CERS3: variants seen among roughly 807,000 people sequenced by gnomAD.
The protein encoded by CERS3 is ceramide synthase 3, also known as LAG1 homolog, ceramide synthase 3.
In CERS3, 33 loss-of-function variants were observed where a neutral mutation model predicts 50.3. That is an observed-to-expected ratio of 0.66 (90% CI 0.50 to 0.88). The LOEUF is 0.88. CERS3 is among the 40% of genes least tolerant of loss of function. The pLI is 0.00. For synonymous variants in CERS3, 176 were observed against 155.2 expected, an observed-to-expected ratio of 1.13 and a Z score of -0.99; for missense variants, 470 against 460.3, an observed-to-expected ratio of 1.02 and a Z score of -0.19.
chr15:100,496,871 T>A (rs1267448366), intron 3 of CERS3, among the ~76,000 whole-genome samples: 1 of 152,156 alleles, frequency 6.6e-6, no homozygotes, highest in Non-Finnish European at 1.5e-5. Flanking sequence ...GGAAGTTGAA[T>A]AAAAACTCTC....
In CERS3 at chr15:100,540,483, G is replaced by A. The variant is rs575480496; in HGVS notation, c.-355+4168C>T. On this transcript the variant is annotated intron_variant, in intron 1 of 12. Coordinates refer to the CERS3 transcript ENST00000284382. ...TGCTTGAACCTAGGAGGCAGAGGTTGCAGTGAGCTGAAATCGTGCCATTGC... is the reference window on the plus strand; with the variant it reads ...TGCTTGAACCTAGGAGGCAGAGGTTACAGTGAGCTGAAATCGTGCCATTGC... Among the ~76,000 whole-genome samples the A allele has an allele frequency of 3.9e-5, 6 of 152,340 alleles. No homozygotes were observed. The East Asian group carries it at 1.2e-3, about 29-fold the overall frequency.
intron 4 of CERS3, among the ~76,000 whole-genome samples, chr15:100,486,110 T>A (rs1462866647): frequency 6.6e-6 from 1 of 152,100 alleles, no homozygotes; most frequent in African/African-American, 2.4e-5. Context: ...ATCACTAGGT[T>A]TTTAAAAATG....
intron 10 of CERS3, among the ~76,000 whole-genome samples, chr15:100,460,720 T>C (rs993718846): frequency 6.6e-6 from 1 of 152,224 alleles, no homozygotes; most frequent in African/African-American, 2.4e-5. Context: ...CCTTCCCTTG[T>C]CTGGCTCAGG....
At position 100,515,810 on chromosome 15, in the gene CERS3, T is replaced by C. The variant is rs541006641; in HGVS notation, c.-2+5857A>G. On this transcript the variant is annotated intron_variant, in intron 2 of 11. Transcript: ENST00000679737. ...AGCTGGTGGCTGGGTAAGTAGGCAATGGTGTTGCAAAACTGAGAAATGTTA... is the reference window on the plus strand; with the variant it reads ...AGCTGGTGGCTGGGTAAGTAGGCAACGGTGTTGCAAAACTGAGAAATGTTA... Among the ~76,000 whole-genome samples the C allele has an allele frequency of 6.6e-5, 10 of 152,290 alleles. 1 individual carries two copies. In the South Asian group the frequency reaches 2.1e-3, roughly 32 times the overall value.
chr15:100,497,302 A>ATG (rs1236454887), intron 3 of CERS3, among the ~76,000 whole-genome samples: 50 of 133,634 alleles, frequency 3.7e-4, no homozygotes, highest in African/African-American at 1.3e-3. Flanking sequence ...GAGAGCATAT[A>ATG]TGTATGTGTG....
chr15:100,536,492 C>T (rs34401070), intron 1 of CERS3, among the ~76,000 whole-genome samples: 75,664 of 151,884 alleles, frequency 0.5, 19,236 homozygotes, highest in South Asian at 0.6. Flanking sequence ...ACCATGTTGC[C>T]CAGGCTGGTC....
rs2654587 is a variant in CERS3, at chr15:100,454,887, C to T, written c.999+1006G>A. 3.3e-5 allele frequency among the ~76,000 whole-genome samples: 5 copies of T among 152,094 alleles called. No homozygotes were observed. The South Asian group carries it at 6.2e-4, about 19-fold the overall frequency. Reference sequence around the variant, plus strand: ...CTCAACAGTAAAACAACAACAACAACAAATAATAATGATAATTCCATTAAA... The same window carrying T: ...CTCAACAGTAAAACAACAACAACAATAAATAATAATGATAATTCCATTAAA... On this transcript the variant is annotated intron_variant, in intron 11 of 11. Coordinates refer to ENST00000679737, the MANE Select transcript of CERS3 (RefSeq NM_001378789.1).
At chr15:100,497,884 CACACACACACACT>C (rs1567663371) in intron 3 of CERS3, among the ~76,000 whole-genome samples, 1 of 81,740 alleles carries the variant, frequency 1.2e-5, no homozygotes. Context: ...CACACACACA[CACACACACACACT>C]TTTTTTTTTT....
intron 11 of CERS3, among the ~76,000 whole-genome samples, chr15:100,419,499 C>A (rs2032233884): frequency 7.1e-6 from 1 of 141,166 alleles, no homozygotes; most frequent in Non-Finnish European, 1.5e-5. Context: ...TTTAATACCC[C>A]ACTGTCAACA....
chr15:100,469,149 C>G (rs1408597041), intron 10 of CERS3, among the ~76,000 whole-genome samples: 5 of 152,208 alleles, frequency 3.3e-5, no homozygotes, highest in African/African-American at 1.2e-4. Flanking sequence ...GCTGCTTGCC[C>G]GTCAGGTCAC....
chr15:100,423,432 A>G (rs1389947809), intron 11 of CERS3, among the ~76,000 whole-genome samples: 1 of 152,216 alleles, frequency 6.6e-6, no homozygotes, highest in Admixed American at 6.5e-5. Context: ...GAAATGCTAT[A>G]CAGCCATAAA....
At chr15:100,450,892 C>T (rs2034138365) in intron 11 of CERS3, among the ~76,000 whole-genome samples, 1 of 151,892 alleles carries the variant, frequency 6.6e-6, no homozygotes, top group African/African-American at 2.4e-5. Context: ...GATGATATGG[C>T]CATAGTCCTG....
chr15:100,481,398 T>G (rs1192071068), intron 5 of CERS3, among the ~76,000 whole-genome samples: 1 of 152,232 alleles, frequency 6.6e-6, no homozygotes, highest in Non-Finnish European at 1.5e-5. Flanking sequence ...AAATGAAAGT[T>G]GAAACTTTAC....
intron 5 of CERS3, among the ~76,000 whole-genome samples, chr15:100,482,575 A>G (rs188114631): frequency 4.0e-5 from 6 of 150,232 alleles, no homozygotes; most frequent in African/African-American, 1.5e-4. Context: ...AAAATGAAAA[A>G]GTGGTCAGCT....
At position 100,497,328 on chromosome 15, in the gene CERS3, G is replaced by GTA. The variant is rs2035848505; in HGVS notation, c.173+4348_173+4349insTA. 2.6e-5 allele frequency among the ~76,000 whole-genome samples: 4 copies of GTA among 151,958 alleles called. No individual in the cohort carries two copies. In the South Asian group the frequency reaches 8.3e-4, roughly 32 times the overall value. On this transcript the variant is annotated intron_variant, in intron 3 of 11. Coordinates refer to ENST00000679737, the MANE Select transcript of CERS3 (RefSeq NM_001378789.1). ...TGTATGTGTGTGTGTGTGTGTGTGT[G>GTA]TGTGTGTGTATGTATATATATATAT... is the stretch of plus-strand genomic sequence containing the variant.
In CERS3 at chr15:100,494,253, A is replaced by ATATG. The variant is rs2035742972; in HGVS notation, c.174-3323_174-3322insCATA. ...TATATATATATATATATATATATAT[A>ATATG]TATATTTGTTTTGAGATGGAGTCTT... On this transcript the variant is annotated intron_variant, in intron 3 of 11. Coordinates refer to ENST00000679737, the MANE Select transcript of CERS3 (RefSeq NM_001378789.1). Among the ~76,000 whole-genome samples the ATATG allele has an allele frequency of 4.5e-4, 7 of 15,640 alleles. 1 individual carries two copies. In the South Asian group the frequency reaches 0.013, roughly 29 times the overall value. The allele number at this position is 15,640 out of a possible 152,430, so 10.3% of individuals were successfully genotyped here.
At chr15:100,422,998 A>C (rs1324776907) in intron 11 of CERS3, among the ~76,000 whole-genome samples, 1 of 151,304 alleles carries the variant, frequency 6.6e-6, no homozygotes, top group African/African-American at 2.4e-5. Flanking sequence ...ATGACGAGTT[A>C]GTGGGTGCAG....
intron 11 of CERS3, among the ~76,000 whole-genome samples, chr15:100,444,366 C>T (rs373306772): frequency 0.019 from 654 of 33,968 alleles, 4 homozygotes; most frequent in African/African-American, 0.055. Flanking sequence ...CGGCCTCCCA[C>T]ATTATTCCGG....
chr15:100,504,494 C>A (rs937236687), intron 2 of CERS3, among the ~76,000 whole-genome samples: 2 of 152,098 alleles, frequency 1.3e-5, no homozygotes, highest in Non-Finnish European at 2.9e-5. Context: ...CCGCCCGCCT[C>A]AGCCTCCCAA....
Sources: gnomAD v4.1 joint callset for allele counts (sites outside exome capture counted in the v4.1 genomes callset) on GRCh38, gnomAD v4.1.1 for gene constraint, MANE v1.5 for transcripts, NCBI Gene and HGNC (gene_info 2026-07-23, HGNC 2026-07-21) for gene names.